Variants in PCDH15 observed in about 807,000 individuals in gnomAD.
PCDH15 encodes protocadherin related 15.
PCDH15 carries 129 observed loss-of-function variants against 178.5 expected under a neutral mutation model. The ratio of observed to expected loss-of-function variants is 0.72; its 90% CI spans 0.63 to 0.84. The LOEUF is 0.84. Among genes scored for constraint, PCDH15 ranks in the 40% least tolerant of loss-of-function variants. The pLI is 0.00. For missense variants in PCDH15, 2,230 were observed against 2,099.9 expected (o/e 1.06, Z -1.21); for synonymous variants, 800 against 732.0 (o/e 1.09, Z -1.50).
chr10:54,581,551 C>T (rs376202675), intron 2 of PCDH15, among the ~76,000 whole-genome samples: 13 of 151,920 alleles, frequency 8.6e-5, no homozygotes, highest in African/African-American at 2.7e-4. Flanking sequence ...ACTACCAATG[C>T]CATTTTTAAC....
chr10:54,504,158 A>G (rs1215882431), intron 3 of PCDH15, among the ~76,000 whole-genome samples: 2 of 152,138 alleles, frequency 1.3e-5, no homozygotes, highest in African/African-American at 4.8e-5. Flanking sequence ...CAAAGATTCT[A>G]ATTCCATATT....
chr10:54,652,872 A>C (rs2135228640), intron 2 of PCDH15, among the ~76,000 whole-genome samples: 1 of 152,334 alleles, frequency 6.6e-6, no homozygotes, highest in Admixed American at 6.5e-5. Flanking sequence ...GACAACTTTT[A>C]TCTCTGTTTC....
chr10:54,524,525 G>A (rs1460987643), intron 3 of PCDH15, among the ~76,000 whole-genome samples: 1 of 152,164 alleles, frequency 6.6e-6, no homozygotes, highest in Non-Finnish European at 1.5e-5. Context: ...GGCACTCAGT[G>A]GCAGGTCTTT....
At position 54,604,578 on chromosome 10, in the gene PCDH15, G is replaced by A. The variant is rs377333079; in HGVS notation, c.91+59594C>T. On this transcript the variant is annotated intron_variant, in intron 2 of 37. Transcript: ENST00000644397. ...ATAAAGTCTATTTTGTCTAATGTAA[G>A]TATAGCCATTCTGCTTTCTTTTCAT... Among the ~76,000 whole-genome samples the A allele has an allele frequency of 4.0e-5, 6 of 151,850 alleles. No homozygotes were observed. The East Asian group carries it at 1.2e-3, about 29-fold the overall frequency.
At chr10:53,998,068 T>C (rs2091939481) in intron 20 of PCDH15, among the ~76,000 whole-genome samples, 1 of 152,198 alleles carries the variant, frequency 6.6e-6, no homozygotes, top group South Asian at 2.1e-4. Flanking sequence ...AATCGGCTTC[T>C]GTGCAAATGT....
At chr10:53,978,793 G>A (rs977846880) in intron 21 of PCDH15, among the ~76,000 whole-genome samples, 10 of 151,182 alleles carry the variant, frequency 6.6e-5, no homozygotes, top group East Asian at 2.0e-4. Flanking sequence ...CAAGTTCAAT[G>A]TTCCACAGAT....
chr10:53,919,746 C>A (rs1213753566), intron 25 of PCDH15, among the ~76,000 whole-genome samples: 1 of 152,100 alleles, frequency 6.6e-6, no homozygotes, highest in South Asian at 2.1e-4. Flanking sequence ...GAGTGGGGAG[C>A]AAGGCGGTTT....
At chr10:54,358,811 C>G (rs1466019819) in intron 5 of PCDH15, among the ~76,000 whole-genome samples, 7 of 151,776 alleles carry the variant, frequency 4.6e-5, no homozygotes, top group Non-Finnish European at 8.8e-5. Context: ...CACATATACA[C>G]CATGGAATAC....
intron 1 of PCDH15, among the ~76,000 whole-genome samples, chr10:55,258,853 C>T (rs1026404836): frequency 3.4e-5 from 5 of 145,356 alleles, no homozygotes; most frequent in African/African-American, 7.6e-5. Flanking sequence ...CCTTCTTCAA[C>T]TGTAACCGCA....
chr10:54,278,487 A>T (rs2058475045), intron 8 of PCDH15, among the ~76,000 whole-genome samples: 1 of 151,606 alleles, frequency 6.6e-6, no homozygotes, highest in African/African-American at 2.4e-5. Flanking sequence ...GGATACAGAA[A>T]TGGGTAAATT....
intron 2 of PCDH15, among the ~76,000 whole-genome samples, chr10:55,586,265 C>T (rs184726921): frequency 1.3e-5 from 2 of 151,876 alleles, no homozygotes; most frequent in Admixed American, 6.6e-5. Flanking sequence ...TAACTTACTA[C>T]GAACCCCATA....
intron 1 of PCDH15, among the ~76,000 whole-genome samples, chr10:55,210,200 G>C (rs1056696835): frequency 2.6e-5 from 4 of 151,990 alleles, no homozygotes; most frequent in African/African-American, 7.3e-5. Context: ...AAAATTTATA[G>C]TGTTACAGCA....
intron 2 of PCDH15, among the ~76,000 whole-genome samples, chr10:54,952,427 T>G (rs1023725159): frequency 1.3e-5 from 2 of 151,792 alleles, no homozygotes; most frequent in Non-Finnish European, 2.9e-5. Flanking sequence ...CACCTTGAAG[T>G]CAGGTTGTGT....
At chr10:54,802,661 A>G (rs2133716509), upstream of PCDH15, among the ~76,000 whole-genome samples, 1 of 152,328 alleles carries the variant, frequency 6.6e-6, no homozygotes, top group Admixed American at 6.5e-5. Flanking sequence ...TTGTGTGAGA[A>G]GTTTTTCTGT....
chr10:54,242,270 T>G (rs2131924458), intron 8 of PCDH15, among the ~76,000 whole-genome samples: 1 of 149,128 alleles, frequency 6.7e-6, no homozygotes, highest in Admixed American at 6.7e-5. Flanking sequence ...GAAGCCTTTT[T>G]GTAGATTTAA....
chr10:54,040,239 T>C (rs2093513410), intron 18 of PCDH15, among the ~76,000 whole-genome samples: 1 of 152,008 alleles, frequency 6.6e-6, no homozygotes, highest in African/African-American at 2.4e-5. Context: ...GCTCCCCTAA[T>C]TCCCATGTGT....
chr10:53,877,071 T>C (rs2080302223), intron 26 of PCDH15, among the ~76,000 whole-genome samples: 1 of 152,092 alleles, frequency 6.6e-6, no homozygotes, highest in Non-Finnish European at 1.5e-5. Flanking sequence ...AAAAATTATA[T>C]GGTAAATTCT....
chr10:54,025,171 C>T (rs11004007), intron 18 of PCDH15, among the ~76,000 whole-genome samples: 111,387 of 151,778 alleles, frequency 0.73, 41,129 homozygotes, highest in Middle Eastern at 0.8. Flanking sequence ...CTTAACTATA[C>T]ATCCACTAGG....
At chr10:53,826,340 TA>T (rs2076677491) in intron 32 of PCDH15, among the ~76,000 whole-genome samples, 1 of 152,034 alleles carries the variant, frequency 6.6e-6, no homozygotes, top group Non-Finnish European at 1.5e-5. Flanking sequence ...AAACCTTGTA[TA>T]ACATTATTAA....
Sources: allele counts gnomAD v4.1 joint callset (sites outside exome capture counted in the v4.1 genomes callset), GRCh38; gene constraint gnomAD v4.1.1; transcripts MANE v1.5; gene names NCBI Gene and HGNC (gene_info 2026-07-23, HGNC 2026-07-21).